The following RAB3IP variants were observed in gnomAD, a reference collection of about 807,000 sequenced individuals.
RAB3IP encodes rab-3A-interacting protein.
Under a neutral mutation model 59.1 loss-of-function variants are expected in RAB3IP, and 36 were observed. That is an observed-to-expected ratio of 0.61 (90% CI 0.47 to 0.80). RAB3IP has a LOEUF of 0.80. Ranked by LOEUF, RAB3IP falls within the 30% of genes least tolerant of loss-of-function variation. The pLI, the probability that RAB3IP is intolerant of heterozygous loss-of-function variation, is 0.00. For synonymous variants in RAB3IP, 207 were observed against 191.2 expected (o/e 1.08, Z -0.68); for missense variants, 511 against 536.0 (o/e 0.95, Z 0.46).
At chr12:69,810,082 G>A (rs1565931715) in intron 8 of RAB3IP, among the ~76,000 whole-genome samples, 1 of 152,144 alleles carries the variant, frequency 6.6e-6, no homozygotes, top group Non-Finnish European at 1.5e-5. Flanking sequence ...TTTTGGTGCA[G>A]ATGTCCTTTC....
chr12:69,787,334 T>A (rs569351511), intron 4 of RAB3IP, among the ~76,000 whole-genome samples: 1 of 152,290 alleles, frequency 6.6e-6, no homozygotes, highest in Non-Finnish European at 1.5e-5. Flanking sequence ...GCAGTCTATA[T>A]CTTACATGGA....
rs1392839677 is a variant in RAB3IP, at chr12:69,816,231, T to C, written c.*785T>C. Reference sequence around the variant, plus strand: ...TGGTACGTGCGAAGTATATGCTGATTATAGAACCACTTGATCTCTGCATTC... The same window carrying C: ...TGGTACGTGCGAAGTATATGCTGATCATAGAACCACTTGATCTCTGCATTC... On this transcript the variant is annotated 3_prime_UTR_variant, in exon 11 of 11. Transcript: ENST00000247833. The C allele has an allele frequency of 6.6e-6, 1 of 152,202 alleles. No individual in the cohort carries two copies. Among genetic ancestry groups the C allele is most frequent in the Non-Finnish European group, 1.5e-5 (1 of 68,024 alleles). 9.4% of individuals were successfully genotyped at this position (152,202 alleles called of 1,614,324 possible).
rs76965682 is a variant in RAB3IP at position 69,815,694 on chromosome 12, A to C, written c.*248A>C. 7.1e-6 allele frequency: 2 copies of C among 282,222 alleles called. No individual in the cohort carries two copies. The highest frequency in any genetic ancestry group is 1.2e-4 in the South Asian group (1 of 8,210). 17.5% of individuals were successfully genotyped at this position (282,222 alleles called of 1,614,324 possible). ...GTAATTTATAGTTGCCAAAAAAAAA[A>C]AAAACCTGAAATAAATAAATGTTAG... On this transcript the variant is annotated 3_prime_UTR_variant, in exon 11 of 11. Coordinates refer to ENST00000247833, the MANE Select transcript of RAB3IP (RefSeq NM_022456.5).
In RAB3IP at chr12:69,816,456, G is replaced by A. The variant is rs1480385329; in HGVS notation, c.*1010G>A. ...CATATGCATATTTTTGAAACAAAAA[G>A]TAGGCTTTTTTTTTGCTTTTTAAAC... On this transcript the variant is annotated 3_prime_UTR_variant, in exon 11 of 11. Coordinates refer to ENST00000247833, the MANE Select transcript of RAB3IP (RefSeq NM_022456.5). The A allele has an allele frequency of 2.0e-5, 3 of 151,790 alleles. No homozygotes were observed. Among genetic ancestry groups the A allele is most frequent in the Non-Finnish European group, 2.9e-5 (2 of 67,972 alleles). 9.4% of individuals were successfully genotyped at this position (151,790 alleles called of 1,614,324 possible). A position where few individuals can be genotyped will look rare whatever the true frequency, so the allele number is the denominator to read the frequency against.
At chr12:69,795,513 C>G (rs981936976) in intron 6 of RAB3IP, 169 bp downstream of exon 6, 2 of 613,956 alleles carry the variant, frequency 3.3e-6, no homozygotes, top group Non-Finnish European at 5.8e-6. Context: ...TCTTCAGTTC[C>G]ATTTTCTACC....
chr12:69,771,050 C>T (rs1873025320), intron 3 of RAB3IP, among the ~76,000 whole-genome samples: 1 of 152,210 alleles, frequency 6.6e-6, no homozygotes, highest in Admixed American at 6.5e-5. Context: ...CTATTCTCTG[C>T]TCTACTTCTA....
intron 3 of RAB3IP, among the ~76,000 whole-genome samples, chr12:69,758,629 C>G (rs1382242265): frequency 6.6e-6 from 1 of 152,106 alleles, no homozygotes. Flanking sequence ...TGTGTTTAAA[C>G]CCCACAAAAC....
At chr12:69,783,750 T>A (rs938293399) in intron 3 of RAB3IP, among the ~76,000 whole-genome samples, 2 of 152,240 alleles carry the variant, frequency 1.3e-5, no homozygotes, top group Non-Finnish European at 2.9e-5. Flanking sequence ...TGTTGCTTTG[T>A]AGGGTACCTC....
At chr12:69,803,068 A>G (rs1295577697) in intron 8 of RAB3IP, among the ~76,000 whole-genome samples, 1 of 152,242 alleles carries the variant, frequency 6.6e-6, no homozygotes, top group Non-Finnish European at 1.5e-5. Flanking sequence ...AATATAGCAT[A>G]TAACTGTTTT....
At chr12:69,794,615 CTT>C in intron 5 of RAB3IP, 101 bp downstream of exon 5, 2 of 857,628 alleles carry the variant, frequency 2.3e-6, no homozygotes, top group Non-Finnish European at 3.5e-6. Flanking sequence ...TAAAGTAGTG[CTT>C]GTTTTCAATT....
At chr12:69,811,695 TAAAG>T (rs1407748191) in intron 8 of RAB3IP, among the ~76,000 whole-genome samples, 2 of 152,152 alleles carry the variant, frequency 1.3e-5, no homozygotes, top group African/African-American at 2.4e-5. Context: ...AATTTGCTAA[TAAAG>T]AAACAATGAA....
intron 6 of RAB3IP, 200 bp downstream of exon 6, chr12:69,795,544 G>A (rs890990477): frequency 1.5e-5 from 9 of 595,378 alleles, no homozygotes; most frequent in Non-Finnish European, 1.5e-5. Flanking sequence ...TGGAGTACCT[G>A]CTGGAAACTT....
intron 1 of RAB3IP, among the ~76,000 whole-genome samples, chr12:69,753,442 T>G (rs907647819): frequency 2.8e-4 from 42 of 152,300 alleles, no homozygotes; most frequent in African/African-American, 9.9e-4. Flanking sequence ...TGCCACCTCC[T>G]GGGTTCAAAT....
intron 6 of RAB3IP, among the ~76,000 whole-genome samples, chr12:69,797,040 A>G (rs1043434190): frequency 1.3e-5 from 2 of 152,214 alleles, no homozygotes; most frequent in African/African-American, 4.8e-5. Context: ...TAGGCAAAGG[A>G]ATTACATAAA....
At chr12:69,760,649 T>C (rs2136143373) in intron 3 of RAB3IP, among the ~76,000 whole-genome samples, 1 of 152,364 alleles carries the variant, frequency 6.6e-6, no homozygotes, top group South Asian at 2.1e-4. Context: ...ATTTTTGGTT[T>C]TTGAAAGATA....
chr12:69,795,542 C>T, intron 6 of RAB3IP, 198 bp downstream of exon 6: 2 of 596,162 alleles, frequency 3.4e-6, no homozygotes, highest in Non-Finnish European at 6.0e-6. Flanking sequence ...CTTGGAGTAC[C>T]TGCTGGAAAC....
chr12:69,801,236 G>T (rs987644536), intron 7 of RAB3IP, among the ~76,000 whole-genome samples: 4 of 152,116 alleles, frequency 2.6e-5, no homozygotes, highest in Non-Finnish European at 5.9e-5. Context: ...TATTGCTGTG[G>T]TATAAATGAC....
Position 69,801,596 on chromosome 12 carries a change from C to CTT in RAB3IP, c.1018-5_1018-4dup. ...GCCAGTATAGCATCTAGTACTTTTT[C>CTT]TTTTTTTTTAAGTTGGCTTCAGCTG... On this transcript the variant is annotated splice_polypyrimidine_tract_variant and intron_variant, in intron 7 of 10. Transcript: ENST00000247833. 6.7e-7 allele frequency: 1 copy of CTT among 1,502,036 alleles called. No homozygotes were observed. Among genetic ancestry groups the CTT allele is most frequent in the African/African-American group, 1.4e-5 (1 of 71,706 alleles). The allele number at this position is 1,502,036 out of a possible 1,614,324, so 93.0% of individuals were successfully genotyped here.
rs780949826 is a variant in RAB3IP at position 69,800,261 on chromosome 12, T to G, written c.941T>G (p.Met314Arg). ...CGATTGTGGAAGGATGAGCCCACAA[T>G]GGACAGGACGTGTCCTTTCTTAGAC... ...EFRLWKDEPT[M>R]DRTCPFLDKI... Residue 314 changes from methionine (M) to arginine (R), a missense_variant, in exon 7 of 11, where the codon ATG becomes AGG. Physicochemically the swap from Met to Arg is moderately conservative, Grantham distance 91. Coordinates refer to ENST00000247833, the MANE Select transcript of RAB3IP (RefSeq NM_022456.5). 93 of 1,594,370 alleles carry G rather than the reference T, an allele frequency of 5.8e-5. No individual in the cohort carries two copies. Among genetic ancestry groups the G allele is most frequent in the Non-Finnish European group, 7.3e-5 (86 of 1,171,184 alleles).
Sources: gnomAD v4.1 joint callset for allele counts (sites outside exome capture counted in the v4.1 genomes callset) on GRCh38, gnomAD v4.1.1 for gene constraint, MANE v1.5 for transcripts, NCBI Gene and HGNC (gene_info 2026-07-23, HGNC 2026-07-21) for gene names.